The following CPS1 variants were observed in gnomAD, a reference collection of about 807,000 sequenced individuals.
CPS1 encodes carbamoyl-phosphate synthase 1.
In CPS1, 109 loss-of-function variants were observed where a neutral mutation model predicts 174.6. The ratio of observed to expected loss-of-function variants is 0.62; its 90% CI spans 0.53 to 0.73. The LOEUF is 0.73. CPS1 is among the 30% of genes least tolerant of loss of function. The probability of loss-of-function intolerance (pLI) is 0.00; values close to 1 mark genes in which losing one functional copy is unlikely to be tolerated. For missense variants in CPS1, 1,689 were observed against 1,821.9 expected, an observed-to-expected ratio of 0.93 and a Z score of 1.33; for synonymous variants, 637 against 632.0, an observed-to-expected ratio of 1.01 and a Z score of -0.12.
At chr2:210,620,381 A>G (rs1363797235) in intron 21 of CPS1, among the ~76,000 whole-genome samples, 1 of 152,076 alleles carries the variant, frequency 6.6e-6, no homozygotes, top group Non-Finnish European at 1.5e-5. Context: ...AGAGATAAAC[A>G]TGTTTCATGT....
At chr2:210,594,750 T>C in intron 12 of CPS1, 144 bp downstream of exon 12, 1 of 676,486 alleles carries the variant, frequency 1.5e-6, no homozygotes, top group Non-Finnish European at 2.7e-6. Context: ...ATTTTGTAAC[T>C]AATTATTTGG....
At chr2:210,667,881 G>C (rs1258902026) in intron 33 of CPS1, among the ~76,000 whole-genome samples, 2 of 152,166 alleles carry the variant, frequency 1.3e-5, no homozygotes, top group Non-Finnish European at 2.9e-5. Flanking sequence ...GTAGAATCCA[G>C]TTATGTTGCT....
intron 21 of CPS1, among the ~76,000 whole-genome samples, chr2:210,629,846 C>T (rs976654718): frequency 8.7e-4 from 128 of 146,762 alleles, no homozygotes; most frequent in African/African-American, 3.1e-3. Flanking sequence ...GTCAGGAGAT[C>T]GAGACCATCC....
rs570133078 is a variant in CPS1, at chr2:210,659,126, C to A, written c.3756+438C>A. ...AATTAATTTAGTCTACTTAGTTTAA[C>A]TAATCGGTAACTGCCTTAGTCTGTT... On this transcript the variant is annotated intron_variant, in intron 31 of 37. Transcript: ENST00000233072. Among the ~76,000 whole-genome samples the A allele has an allele frequency of 1.1e-4, 16 of 152,288 alleles. No individual in the cohort carries two copies. The South Asian group carries it at 3.3e-3, about 32-fold the overall frequency.
At chr2:210,533,425 A>G (rs1358046111) in intron 1 of CPS1, among the ~76,000 whole-genome samples, 1 of 152,202 alleles carries the variant, frequency 6.6e-6, no homozygotes, top group Non-Finnish European at 1.5e-5. Flanking sequence ...TGACACAGAT[A>G]ATATCATTAT....
At chr2:210,584,402 A>G (rs1457148960) in intron 6 of CPS1, among the ~76,000 whole-genome samples, 1 of 152,144 alleles carries the variant, frequency 6.6e-6, no homozygotes, top group Non-Finnish European at 1.5e-5. Context: ...TGTTATTTTG[A>G]CAAAGGCGAT....
chr2:210,634,159 G>A (rs1407414232), intron 21 of CPS1, among the ~76,000 whole-genome samples: 1 of 152,172 alleles, frequency 6.6e-6, no homozygotes, highest in Non-Finnish European at 1.5e-5. Flanking sequence ...CGCCAGGCGC[G>A]GTGGCTCACG....
intron 1 of CPS1, among the ~76,000 whole-genome samples, chr2:210,560,648 C>T (rs1697068167): frequency 6.6e-6 from 1 of 152,086 alleles, no homozygotes; most frequent in Non-Finnish European, 1.5e-5. Flanking sequence ...ATTTTATATT[C>T]TGATTTTCAC....
chr2:210,599,994 C>T (rs1329778264), intron 14 of CPS1, among the ~76,000 whole-genome samples: 1 of 151,876 alleles, frequency 6.6e-6, no homozygotes, highest in Non-Finnish European at 1.5e-5. Flanking sequence ...TTACTTCATA[C>T]TTCTGCTGAG....
chr2:210,549,939 C>A (rs1466160694), intron 1 of CPS1, among the ~76,000 whole-genome samples: 2 of 151,854 alleles, frequency 1.3e-5, no homozygotes, highest in Non-Finnish European at 2.9e-5. Flanking sequence ...ATGAAATTAC[C>A]CAGATTCCAT....
At chr2:210,562,488 T>G (rs1356242604) in intron 1 of CPS1, among the ~76,000 whole-genome samples, 1 of 152,250 alleles carries the variant, frequency 6.6e-6, no homozygotes, top group Non-Finnish European at 1.5e-5. Context: ...CATATCTTAA[T>G]AGTGTAATTC....
intron 21 of CPS1, among the ~76,000 whole-genome samples, chr2:210,628,052 A>T (rs893179065): frequency 6.6e-6 from 1 of 152,142 alleles, no homozygotes; most frequent in African/African-American, 2.4e-5. Context: ...TGCCTATCTA[A>T]GGTTGAAGTA....
chr2:210,653,331 T>A (rs1700613635), intron 28 of CPS1, among the ~76,000 whole-genome samples: 1 of 152,098 alleles, frequency 6.6e-6, no homozygotes, highest in African/African-American at 2.4e-5. Context: ...GATTATGTTG[T>A]GGAGGGCATC....
At chr2:210,642,418 T>G in intron 24 of CPS1, 66 bp from the exon 25 acceptor site, 1 of 1,573,108 alleles carries the variant, frequency 6.4e-7, no homozygotes, top group South Asian at 1.1e-5. Context: ...GATACATTTC[T>G]GCTTCTCTTT....
chr2:210,638,362 G>A (rs1005782880), intron 22 of CPS1, among the ~76,000 whole-genome samples: 2 of 151,970 alleles, frequency 1.3e-5, no homozygotes, highest in African/African-American at 4.8e-5. Flanking sequence ...TGACAATCAC[G>A]CATGAACATT....
At chr2:210,675,110 C>T (rs1388070087) in intron 35 of CPS1, 149 bp downstream of exon 35, 4 of 693,002 alleles carry the variant, frequency 5.8e-6, no homozygotes, top group Non-Finnish European at 1.0e-5. Flanking sequence ...AACTTAGAGT[C>T]AAATCATTAA....
At chr2:210,614,590 T>G (rs1171709667) in intron 20 of CPS1, among the ~76,000 whole-genome samples, 1 of 151,998 alleles carries the variant, frequency 6.6e-6, no homozygotes, top group African/African-American at 2.4e-5. Context: ...ATGACAGCCA[T>G]TCTAACTAGC....
chr2:210,625,010 C>T (rs1429047304), intron 21 of CPS1, among the ~76,000 whole-genome samples: 1 of 151,958 alleles, frequency 6.6e-6, no homozygotes, highest in Admixed American at 6.6e-5. Flanking sequence ...TGTCTCTGAA[C>T]TAAGCGTGAT....
At chr2:210,518,407 C>A (rs1695736109) in intron 1 of CPS1, among the ~76,000 whole-genome samples, 1 of 151,956 alleles carries the variant, frequency 6.6e-6, no homozygotes, top group South Asian at 2.1e-4. Context: ...ACTATATTTC[C>A]CAACCATTCT....
Sources: allele counts gnomAD v4.1 joint callset (sites outside exome capture counted in the v4.1 genomes callset), GRCh38; gene constraint gnomAD v4.1.1; transcripts MANE v1.5; gene names NCBI Gene and HGNC (gene_info 2026-07-23, HGNC 2026-07-21).